RASA1: variants seen among roughly 807,000 people sequenced by gnomAD.
The protein encoded by RASA1 is ras GTPase-activating protein 1.
A neutral mutation model predicts 132.2 loss-of-function variants in RASA1; 25 were observed. That is an observed-to-expected ratio of 0.19 (90% confidence interval 0.14 to 0.26). The LOEUF (loss-of-function observed/expected upper bound fraction) is 0.26, where lower values mean the gene tolerates loss of function less well. Ranked by LOEUF, RASA1 falls within the 10% of genes least tolerant of loss-of-function variation. RASA1 has a pLI of 1.00. For missense variants in RASA1, 964 were observed against 1,299.2 expected, an observed-to-expected ratio of 0.74 and a Z score of 3.97; for synonymous variants, 477 against 449.9, an observed-to-expected ratio of 1.06 and a Z score of -0.76.
intron 6 of RASA1, among the ~76,000 whole-genome samples, chr5:87,342,522 G>A (rs537226951): frequency 1.2e-3 from 182 of 152,202 alleles, no homozygotes; most frequent in Non-Finnish European, 1.7e-3. Flanking sequence ...AAGTGAAGCG[G>A]GTCAAGTATA....
At chr5:87,376,807 T>G (rs1761358087) in intron 16 of RASA1, 74 bp from the exon 17 acceptor site, 1 of 1,427,510 alleles carries the variant, frequency 7.0e-7, no homozygotes, top group Non-Finnish European at 9.8e-7. Context: ...TGAAAGAACA[T>G]ATTTCTTGTT....
At chr5:87,287,526 C>CAT (rs1421422048) in intron 1 of RASA1, among the ~76,000 whole-genome samples, 1 of 143,934 alleles carries the variant, frequency 6.9e-6, no homozygotes, top group South Asian at 2.2e-4. Context: ...ATATATATAC[C>CAT]ATATATATAC....
At chr5:87,342,519 G>A (rs1204039351) in intron 6 of RASA1, among the ~76,000 whole-genome samples, 1 of 152,150 alleles carries the variant, frequency 6.6e-6, no homozygotes, top group Non-Finnish European at 1.5e-5. Context: ...AGCAAGTGAA[G>A]CGGGTCAAGT....
intron 1 of RASA1, among the ~76,000 whole-genome samples, chr5:87,300,667 TTTG>T (rs1755321907): frequency 6.6e-6 from 1 of 152,218 alleles, no homozygotes; most frequent in Non-Finnish European, 1.5e-5. Flanking sequence ...ATTTAATTAT[TTTG>T]TTGTAAGGAT....
At chr5:87,370,002 A>G in intron 12 of RASA1, 102 bp downstream of exon 12, 1 of 997,544 alleles carries the variant, frequency 1.0e-6, no homozygotes, top group Non-Finnish European at 1.5e-6. Context: ...AAGTGACAGA[A>G]CGCCTGAAAT....
intron 1 of RASA1, among the ~76,000 whole-genome samples, chr5:87,282,819 T>C (rs962462422): frequency 2.0e-5 from 3 of 152,214 alleles, no homozygotes; most frequent in Non-Finnish European, 4.4e-5. Flanking sequence ...TGTCATCTGC[T>C]ATTGAGCCCA....
At chr5:87,332,456 A>T (rs771321253) in intron 2 of RASA1, 51 bp from the exon 3 acceptor site, 1 of 1,532,918 alleles carries the variant, frequency 6.5e-7, no homozygotes. Flanking sequence ...CTTGATTTTT[A>T]AAATTGGCTG....
chr5:87,362,008 T>G (rs1352690917), intron 9 of RASA1, among the ~76,000 whole-genome samples: 1 of 152,062 alleles, frequency 6.6e-6, no homozygotes, highest in African/African-American at 2.4e-5. Context: ...ACACCAGCTG[T>G]GGATGGATGG....
chr5:87,287,621 CATATACACGCCATAGATATACCATAT>C (rs1182884473), intron 1 of RASA1, among the ~76,000 whole-genome samples: 3 of 145,110 alleles, frequency 2.1e-5, no homozygotes, highest in East Asian at 4.0e-4. Flanking sequence ...ATATACCATA[CATATACACGCCATAGATATACCATAT>C]ATATACACGC....
intron 1 of RASA1, among the ~76,000 whole-genome samples, chr5:87,278,952 A>T (rs1038646545): frequency 7.1e-6 from 1 of 141,754 alleles, no homozygotes; most frequent in Non-Finnish European, 1.5e-5. Flanking sequence ...CATTTAAAGA[A>T]GATTATGCGG....
intron 1 of RASA1, among the ~76,000 whole-genome samples, chr5:87,288,279 G>A (rs1424239705): frequency 6.6e-6 from 1 of 151,414 alleles, no homozygotes; most frequent in Non-Finnish European, 1.5e-5. Context: ...TTATATGACA[G>A]ACTTTCATTT....
intron 1 of RASA1, among the ~76,000 whole-genome samples, chr5:87,301,581 A>C (rs183764895): frequency 1.3e-3 from 202 of 152,294 alleles, no homozygotes; most frequent in African/African-American, 4.5e-3. Flanking sequence ...TTATATAATA[A>C]AATTGAATCA....
intron 1 of RASA1, among the ~76,000 whole-genome samples, chr5:87,308,755 TA>T (rs1698428981): frequency 6.6e-6 from 1 of 152,194 alleles, no homozygotes; most frequent in Admixed American, 6.5e-5. Flanking sequence ...TTTCTGTATT[TA>T]GATATGTTTA....
At chr5:87,380,780 G>C (rs1761655905) in intron 20 of RASA1, among the ~76,000 whole-genome samples, 185 bp downstream of exon 20, 1 of 152,108 alleles carries the variant, frequency 6.6e-6, no homozygotes. Context: ...GCTGCCGTTT[G>C]CATTTTCTAA....
chr5:87,273,888 G>A (rs1753956471), intron 1 of RASA1, among the ~76,000 whole-genome samples: 5 of 152,008 alleles, frequency 3.3e-5, no homozygotes, highest in Admixed American at 3.3e-4. Flanking sequence ...AGTAGAGACG[G>A]GGTTTCACTC....
intron 4 of RASA1, among the ~76,000 whole-genome samples, chr5:87,335,485 G>A (rs1479802899): frequency 7.1e-6 from 1 of 140,422 alleles, no homozygotes; most frequent in African/African-American, 2.7e-5. Flanking sequence ...GAGTGCAATG[G>A]TGCCATCTTG....
At chr5:87,376,104 T>C in intron 15 of RASA1, 1 of 448,518 alleles carries the variant, frequency 2.2e-6, no homozygotes, top group East Asian at 4.5e-5. Flanking sequence ...TAACAGCACT[T>C]ACCAGTGCTG....
intron 7 of RASA1, 49 bp from the exon 8 acceptor site, chr5:87,349,165 T>C (rs1759078440): frequency 6.3e-7 from 1 of 1,594,002 alleles, no homozygotes; most frequent in East Asian, 2.2e-5. Context: ...TAACATCTTT[T>C]CTTTTTTATT....
intron 1 of RASA1, chr5:87,294,256 C>T (rs1755025092): frequency 6.6e-6 from 1 of 152,274 alleles, no homozygotes; most frequent in East Asian, 1.9e-4. Flanking sequence ...AATCCCACTA[C>T]TGATCTGTGT....
Sources: allele counts gnomAD v4.1 joint callset (sites outside exome capture counted in the v4.1 genomes callset), GRCh38; gene constraint gnomAD v4.1.1; transcripts MANE v1.5; gene names NCBI Gene and HGNC (gene_info 2026-07-23, HGNC 2026-07-21).